TCF12: variants seen among roughly 807,000 people sequenced by gnomAD.
TCF12 encodes the protein transcription factor 12, also known as DNA-binding protein HTF4.
In TCF12, 45 loss-of-function variants were observed where a neutral mutation model predicts 86.0. That is an observed-to-expected ratio of 0.52 (90% CI 0.41 to 0.67). TCF12 has a LOEUF of 0.67. TCF12 is among the 30% of genes least tolerant of loss of function. The pLI is 0.00. For synonymous variants in TCF12, 330 were observed against 299.6 expected (o/e 1.10, Z -1.05); for missense variants, 881 against 859.9 (o/e 1.02, Z -0.31).
chr15:57,224,343 A>G (rs369726267), intron 8 of TCF12, among the ~76,000 whole-genome samples: 6 of 152,136 alleles, frequency 3.9e-5, no homozygotes, highest in Non-Finnish European at 7.4e-5. Flanking sequence ...GAAGAAAAAC[A>G]TTGAGATTAT....
At chr15:57,041,100 T>C (rs1396041511) in intron 3 of TCF12, among the ~76,000 whole-genome samples, 3 of 152,200 alleles carry the variant, frequency 2.0e-5, no homozygotes, top group African/African-American at 7.2e-5. Context: ...CAGGATGTCC[T>C]ACCTGACATC....
At chr15:56,992,204 G>A (rs2140975652) in intron 3 of TCF12, among the ~76,000 whole-genome samples, 1 of 152,256 alleles carries the variant, frequency 6.6e-6, no homozygotes, top group East Asian at 1.9e-4. Flanking sequence ...CCAGGAGGTT[G>A]AGGCTGCAGT....
chr15:57,162,167 G>C (rs2054551112), intron 5 of TCF12, among the ~76,000 whole-genome samples: 1 of 151,602 alleles, frequency 6.6e-6, no homozygotes, highest in African/African-American at 2.4e-5. Flanking sequence ...ATTACTAGTA[G>C]TTCTTAAACT....
chr15:57,020,764 C>T (rs1282875990), intron 3 of TCF12, among the ~76,000 whole-genome samples: 1 of 152,030 alleles, frequency 6.6e-6, no homozygotes, highest in Non-Finnish European at 1.5e-5. Flanking sequence ...CATTTTGGGA[C>T]TATGTGTAGG....
chr15:57,171,231 CT>C (rs200719307), intron 6 of TCF12, among the ~76,000 whole-genome samples: 47 of 146,106 alleles, frequency 3.2e-4, no homozygotes, highest in Middle Eastern at 3.5e-3. Flanking sequence ...AGAAAGATAC[CT>C]TTTTTTTTTT....
chr15:57,126,141 T>C (rs1474592683), intron 5 of TCF12, among the ~76,000 whole-genome samples: 1 of 152,164 alleles, frequency 6.6e-6, no homozygotes, highest in Non-Finnish European at 1.5e-5. Flanking sequence ...CTTGGGAGGC[T>C]GAGATGAGAG....
intron 19 of TCF12, among the ~76,000 whole-genome samples, chr15:57,279,551 A>G (rs750937621): frequency 2.0e-5 from 3 of 152,150 alleles, no homozygotes; most frequent in Non-Finnish European, 4.4e-5. Context: ...AAAGTTGTGT[A>G]TTTATTTCAC....
intron 19 of TCF12, among the ~76,000 whole-genome samples, chr15:57,280,280 T>A (rs1276350386): frequency 6.6e-6 from 1 of 152,212 alleles, no homozygotes; most frequent in African/African-American, 2.4e-5. Context: ...GCTCTTAATA[T>A]TTTTTGCATA....
At chr15:57,130,580 CCAG>C (rs1300316527) in intron 5 of TCF12, among the ~76,000 whole-genome samples, 1 of 152,086 alleles carries the variant, frequency 6.6e-6, no homozygotes, top group Non-Finnish European at 1.5e-5. Context: ...TTGTTGATTA[CCAG>C]AAGAGAGCCG....
intron 4 of TCF12, among the ~76,000 whole-genome samples, chr15:57,087,785 G>A (rs2048745168): frequency 6.6e-6 from 1 of 152,104 alleles, no homozygotes; most frequent in South Asian, 2.1e-4. Context: ...AACAGTGATT[G>A]TTTAGGTTGT....
intron 12 of TCF12, among the ~76,000 whole-genome samples, chr15:57,237,536 T>C (rs542048687): frequency 5.3e-5 from 8 of 152,144 alleles, no homozygotes; most frequent in Non-Finnish European, 1.0e-4. Context: ...GCAGAAGGCA[T>C]TGGGAGTTAT....
At chr15:56,970,304 A>C (rs2062226253) in intron 3 of TCF12, among the ~76,000 whole-genome samples, 1 of 151,826 alleles carries the variant, frequency 6.6e-6, no homozygotes, top group Admixed American at 6.6e-5. Context: ...ATATAGTGAA[A>C]TCCCATCTCT....
rs187520349 is a variant in TCF12, at chr15:56,930,493, A to G, written c.148+9395A>G. Among the ~76,000 whole-genome samples the G allele has an allele frequency of 2.6e-4, 40 of 152,252 alleles. No individual in the cohort carries two copies. The East Asian group carries it at 4.2e-3, about 16-fold the overall frequency. ...GTCCGGAGGCCCATTTACTTAATCT[A>G]CTTGGTACTGACATACTCGGATTTT... On this transcript the variant is annotated intron_variant, in intron 3 of 20. Transcript: ENST00000333725.
At chr15:57,259,738 C>T (rs1378807787) in intron 16 of TCF12, among the ~76,000 whole-genome samples, 2 of 152,196 alleles carry the variant, frequency 1.3e-5, no homozygotes, top group African/African-American at 4.8e-5. Context: ...TGTATGCTAA[C>T]GAGGTGAACA....
At chr15:57,029,528 A>G (rs1007802840) in intron 3 of TCF12, among the ~76,000 whole-genome samples, 2 of 152,300 alleles carry the variant, frequency 1.3e-5, no homozygotes, top group South Asian at 2.1e-4. Context: ...ACTTGGAGAA[A>G]AGTATACTTT....
intron 3 of TCF12, among the ~76,000 whole-genome samples, chr15:57,033,125 GAAC>G (rs2066304242): frequency 6.6e-6 from 1 of 151,990 alleles, no homozygotes; most frequent in African/African-American, 2.4e-5. Context: ...TTTTCAATCT[GAAC>G]AATAAAGAGA....
intron 5 of TCF12, among the ~76,000 whole-genome samples, chr15:57,115,178 A>C (rs1345677554): frequency 6.6e-6 from 1 of 152,188 alleles, no homozygotes; most frequent in Non-Finnish European, 1.5e-5. Flanking sequence ...TAACTGGAAG[A>C]ATTAAAGATC....
At chr15:57,198,774 C>T (rs1205337956) in intron 8 of TCF12, among the ~76,000 whole-genome samples, 3 of 151,822 alleles carry the variant, frequency 2.0e-5, no homozygotes, top group African/African-American at 7.3e-5. Flanking sequence ...AACCCATGGG[C>T]GCAGGTGCCG....
chr15:57,042,577 C>T (rs1308660799), intron 3 of TCF12, among the ~76,000 whole-genome samples: 1 of 152,024 alleles, frequency 6.6e-6, no homozygotes, highest in African/African-American at 2.4e-5. Flanking sequence ...CCATTCCTGG[C>T]TAATTTTTAA....
Sources: gnomAD v4.1 joint callset for allele counts (sites outside exome capture counted in the v4.1 genomes callset) on GRCh38, gnomAD v4.1.1 for gene constraint, MANE v1.5 for transcripts, NCBI Gene and HGNC (gene_info 2026-07-23, HGNC 2026-07-21) for gene names.